The following RORA variants were observed in gnomAD, a reference collection of about 807,000 sequenced individuals.
RORA encodes nuclear receptor ROR-alpha.
Under a neutral mutation model 69.5 loss-of-function variants are expected in RORA, and 7 were observed. That is an observed-to-expected ratio of 0.10 (90% CI 0.06 to 0.19). The LOEUF (loss-of-function observed/expected upper bound fraction) is 0.19, where lower values mean the gene tolerates loss of function less well. Ranked by LOEUF, RORA falls within the 10% of genes least tolerant of loss-of-function variation. The pLI is 1.00. For missense variants in RORA, 457 were observed against 663.0 expected, an observed-to-expected ratio of 0.69 and a Z score of 3.41; for synonymous variants, 261 against 240.8, an observed-to-expected ratio of 1.08 and a Z score of -0.78.
intron 1 of RORA, among the ~76,000 whole-genome samples, chr15:60,711,998 TA>T (rs56012197): frequency 0.26 from 39,242 of 152,142 alleles, 5,523 homozygotes; most frequent in Middle Eastern, 0.34. Flanking sequence ...TTGTGATACG[TA>T]GTCTAATAAT....
At chr15:60,789,857 T>C (rs756172393) in intron 1 of RORA, among the ~76,000 whole-genome samples, 2 of 152,142 alleles carry the variant, frequency 1.3e-5, no homozygotes, top group Non-Finnish European at 2.9e-5. Context: ...ATTCAATAAA[T>C]ATAGGCAGCA....
At chr15:61,040,581 T>C (rs1209283365) in intron 1 of RORA, among the ~76,000 whole-genome samples, 1 of 152,138 alleles carries the variant, frequency 6.6e-6, no homozygotes, top group African/African-American at 2.4e-5. Flanking sequence ...GTTTAAATGA[T>C]GACAAGCATG....
intron 1 of RORA, among the ~76,000 whole-genome samples, chr15:60,761,260 T>C (rs1402740861): frequency 2.0e-5 from 3 of 152,174 alleles, no homozygotes; most frequent in African/African-American, 7.2e-5. Context: ...GTGCTCTTGA[T>C]TGCAAACCTC....
chr15:60,603,541 A>G (rs1008175119), intron 2 of RORA, among the ~76,000 whole-genome samples: 1 of 152,240 alleles, frequency 6.6e-6, no homozygotes. Context: ...GTCCTAGAGG[A>G]AATAGAGGGT....
At chr15:60,794,376 C>T (rs1322337473) in intron 1 of RORA, among the ~76,000 whole-genome samples, 2 of 152,188 alleles carry the variant, frequency 1.3e-5, no homozygotes, top group Admixed American at 6.5e-5. Context: ...CATTACCCAA[C>T]TTATAGCACA....
chr15:61,228,636 T>G (rs2080171009), intron 1 of RORA, among the ~76,000 whole-genome samples: 1 of 150,640 alleles, frequency 6.6e-6, no homozygotes, highest in Non-Finnish European at 1.5e-5. Flanking sequence ...AGGGTGGCCA[T>G]AAACAGATTT....
intron 2 of RORA, among the ~76,000 whole-genome samples, chr15:60,598,256 T>C (rs2068740556): frequency 6.6e-6 from 1 of 152,360 alleles, no homozygotes; most frequent in Admixed American, 6.5e-5. Context: ...TTTGTTGAAA[T>C]GTTTCTCCGC....
intron 2 of RORA, among the ~76,000 whole-genome samples, chr15:60,605,830 A>G (rs2068933140): frequency 6.6e-6 from 1 of 152,350 alleles, no homozygotes; most frequent in African/African-American, 2.4e-5. Flanking sequence ...TAAACATATA[A>G]ATCGTCATTA....
chr15:60,622,066 A>G (rs1223401000), intron 2 of RORA, among the ~76,000 whole-genome samples: 1 of 151,768 alleles, frequency 6.6e-6, no homozygotes, highest in African/African-American at 2.4e-5. Flanking sequence ...AGGAAAGCGG[A>G]ATGTTCCCTC....
chr15:60,539,702 C>A (rs1249576882), intron 2 of RORA, among the ~76,000 whole-genome samples: 2 of 152,150 alleles, frequency 1.3e-5, no homozygotes, highest in African/African-American at 4.8e-5. Context: ...AATGATACCA[C>A]CAGGATCAGC....
At chr15:61,210,764 G>A (rs1423864032) in intron 1 of RORA, among the ~76,000 whole-genome samples, 1 of 152,156 alleles carries the variant, frequency 6.6e-6, no homozygotes, top group African/African-American at 2.4e-5. Context: ...CTAGACTTAC[G>A]GTCATAAATT....
At chr15:61,212,644 A>C (rs1319131701) in intron 1 of RORA, among the ~76,000 whole-genome samples, 1 of 152,150 alleles carries the variant, frequency 6.6e-6, no homozygotes, top group Non-Finnish European at 1.5e-5. Context: ...CACCCACCTC[A>C]GCCTCCCAAA....
rs1357924774 is a variant in RORA, at chr15:61,131,800, G to A, written c.166+97253C>T. Among the ~76,000 whole-genome samples, 1 of 152,166 alleles carries A rather than the reference G, an allele frequency of 6.6e-6. No homozygotes were observed. Among genetic ancestry groups the A allele is most frequent in the East Asian group, 1.9e-4 (1 of 5,198 alleles). ...GGGCAGGAGTGAGAAAAATGAAACT[G>A]GACTCCAGTTCTGCCACCAAACGGA... On this transcript the variant is annotated intron_variant, in intron 1 of 10. Transcript: ENST00000335670. This position sits in a 1 kb window ranked among gnomAD's most constrained non-coding sequence, Gnocchi z 4.2.
chr15:60,557,717 C>T (rs183779791), intron 2 of RORA, among the ~76,000 whole-genome samples: 11 of 152,200 alleles, frequency 7.2e-5, no homozygotes, highest in Non-Finnish European at 1.2e-4. Flanking sequence ...GAAGTAAACC[C>T]GAACTTCAGA....
At chr15:61,009,274 G>T (rs11071579) in intron 1 of RORA, among the ~76,000 whole-genome samples, 150,261 of 152,306 alleles carry the variant, frequency 0.99, 74,160 homozygotes, top group East Asian at 1. Flanking sequence ...AAGTTGCCAT[G>T]GATTTTATTA....
chr15:60,641,702 C>T (rs184722060), intron 2 of RORA, among the ~76,000 whole-genome samples: 6 of 152,262 alleles, frequency 3.9e-5, no homozygotes, highest in African/African-American at 7.2e-5. Flanking sequence ...TGAACCACCA[C>T]GCCCAGCTTC....
At chr15:60,915,389 TG>T (rs1334899412) in intron 1 of RORA, among the ~76,000 whole-genome samples, 4 of 152,132 alleles carry the variant, frequency 2.6e-5, no homozygotes, top group Admixed American at 2.0e-4. Flanking sequence ...CTGATTCCAC[TG>T]GGGGGGCACA....
At chr15:60,864,022 G>A (rs1183741331) in intron 1 of RORA, among the ~76,000 whole-genome samples, 1 of 152,048 alleles carries the variant, frequency 6.6e-6, no homozygotes, top group Non-Finnish European at 1.5e-5. Flanking sequence ...GGCCAGGCTG[G>A]TCTTGAACTC....
chr15:61,158,663 C>G (rs559192165), intron 1 of RORA, among the ~76,000 whole-genome samples: 1 of 152,148 alleles, frequency 6.6e-6, no homozygotes, highest in Non-Finnish European at 1.5e-5. Flanking sequence ...TCCCTCAGTT[C>G]GCAGATGTGG....
Sources: allele counts gnomAD v4.1 joint callset (sites outside exome capture counted in the v4.1 genomes callset), GRCh38; gene constraint gnomAD v4.1.1; non-coding constraint Gnocchi (gnomAD v3.1); transcripts MANE v1.5; gene names NCBI Gene and HGNC (gene_info 2026-07-23, HGNC 2026-07-21).